PRICKLE2: variants seen among roughly 807,000 people sequenced by gnomAD.
PRICKLE2 encodes prickle-like protein 2.
A neutral mutation model predicts 81.4 loss-of-function variants in PRICKLE2; 21 were observed. The ratio of observed to expected loss-of-function variants is 0.26; its 90% CI spans 0.18 to 0.37. PRICKLE2 has a LOEUF of 0.37. Ranked by LOEUF, PRICKLE2 falls within the 10% of genes least tolerant of loss-of-function variation. PRICKLE2 has a pLI of 1.00. For missense variants in PRICKLE2, 940 were observed against 1,109.0 expected, an observed-to-expected ratio of 0.85 and a Z score of 2.16; for synonymous variants, 456 against 421.5, an observed-to-expected ratio of 1.08 and a Z score of -1.00.
chr3:64,254,398 G>A lies in PRICKLE2; in HGVS notation c.129-55431C>T, dbSNP rs763806486. Among the ~76,000 whole-genome samples the A allele has an allele frequency of 3.9e-5, 6 of 152,192 alleles. No homozygotes were observed. In the South Asian group the frequency reaches 8.3e-4, roughly 21 times the overall value. On this transcript the variant is annotated intron_variant, in intron 2 of 8. Coordinates refer to the PRICKLE2 transcript ENST00000295902. Reference sequence around the variant, plus strand: ...AGGTATTGTTCCTGTCTCCCAAGGCGACAGACAAGACTGAAACAGAGCTAG... The same window carrying A: ...AGGTATTGTTCCTGTCTCCCAAGGCAACAGACAAGACTGAAACAGAGCTAG...
chr3:64,234,011 T>C (rs1384665408), intron 2 of PRICKLE2, among the ~76,000 whole-genome samples: 5 of 152,232 alleles, frequency 3.3e-5, no homozygotes, highest in Non-Finnish European at 1.5e-5. Context: ...TTCATTCTTT[T>C]TATGACAGAG....
At chr3:64,208,703 TTA>T (rs1484103651) in intron 1 of PRICKLE2, among the ~76,000 whole-genome samples, 1 of 152,216 alleles carries the variant, frequency 6.6e-6, no homozygotes, top group African/African-American at 2.4e-5. Context: ...TTCACTTAAT[TTA>T]TCTCATTTCT....
Position 64,157,291 on chromosome 3 carries a change from C to T in PRICKLE2, c.471G>A (p.Pro157=), listed in dbSNP as rs777067889. ...TGCAGACAGTGCATACGAAGCACGG[C>T]GGGTGCCAGCAAACGCCGTGGCCAG... The part of the protein sequence containing the change: ...SRAGHGVCWH[P]PCFVCTVCNE... The change falls in exon 5 of 8, where the codon CCG becomes CCA. Residue 157 remains proline, a synonymous_variant. Transcript: ENST00000638394. The T allele has an allele frequency of 3.2e-5, 52 of 1,614,042 alleles. 1 individual carries two copies. Among genetic ancestry groups the T allele is most frequent in the African/African-American group, 5.3e-5 (4 of 74,940 alleles).
intron 2 of PRICKLE2, among the ~76,000 whole-genome samples, chr3:64,170,575 A>C (rs2077911543): frequency 6.6e-6 from 1 of 152,084 alleles, no homozygotes; most frequent in Admixed American, 6.5e-5. Flanking sequence ...AAAACCCTGG[A>C]TGGTCTGGGT....
At chr3:64,207,434 T>C (rs2078706346) in intron 1 of PRICKLE2, among the ~76,000 whole-genome samples, 1 of 152,166 alleles carries the variant, frequency 6.6e-6, no homozygotes, top group South Asian at 2.1e-4. Flanking sequence ...CCCTTAGTGT[T>C]AAGAAACTGG....
At chr3:64,187,338 C>T (rs1235733042) in intron 2 of PRICKLE2, among the ~76,000 whole-genome samples, 4 of 152,250 alleles carry the variant, frequency 2.6e-5, no homozygotes, top group Non-Finnish European at 5.9e-5. Flanking sequence ...GTTCATGTGA[C>T]TAGCTTCCCA....
chr3:64,261,672 A>C (rs2079616544), intron 2 of PRICKLE2, among the ~76,000 whole-genome samples: 2 of 152,056 alleles, frequency 1.3e-5, no homozygotes, highest in South Asian at 4.1e-4. Flanking sequence ...TTCCAAGCAG[A>C]AAGAACAGCA....
intron 2 of PRICKLE2, among the ~76,000 whole-genome samples, chr3:64,197,585 T>C (rs1477373994): frequency 1.3e-5 from 2 of 152,162 alleles, no homozygotes; most frequent in East Asian, 1.9e-4. Flanking sequence ...CCATTACCCT[T>C]AGCAAACTAA....
chr3:64,238,324 C>A (rs1320826890), intron 2 of PRICKLE2, among the ~76,000 whole-genome samples: 1 of 151,666 alleles, frequency 6.6e-6, no homozygotes, highest in Admixed American at 6.6e-5. Flanking sequence ...CTCGTCTCTA[C>A]TAAAAGTACA....
chr3:64,111,710 C>T (rs1330158403), intron 7 of PRICKLE2, among the ~76,000 whole-genome samples: 1 of 151,900 alleles, frequency 6.6e-6, no homozygotes, highest in Non-Finnish European at 1.5e-5. Context: ...TAAAATCCAC[C>T]CCAAATCATC....
chr3:64,183,982 G>A (rs1426770015), intron 2 of PRICKLE2, among the ~76,000 whole-genome samples: 1 of 152,146 alleles, frequency 6.6e-6, no homozygotes, highest in Non-Finnish European at 1.5e-5. Context: ...AGTCATGTAC[G>A]TTCTCTGAGA....
At chr3:64,166,169 T>C (rs1159674972) in intron 2 of PRICKLE2, among the ~76,000 whole-genome samples, 3 of 152,186 alleles carry the variant, frequency 2.0e-5, no homozygotes, top group Non-Finnish European at 4.4e-5. Context: ...CCTGCAGATC[T>C]GCTTCTCACC....
At chr3:64,162,519 A>G (rs2077751617) in intron 3 of PRICKLE2, among the ~76,000 whole-genome samples, 1 of 152,200 alleles carries the variant, frequency 6.6e-6, no homozygotes, top group East Asian at 1.9e-4. Context: ...ACCATGACAA[A>G]AACACAGACG....
chr3:64,163,104 G>A lies in PRICKLE2; in HGVS notation c.170C>T (p.Pro57Leu). The change falls in exon 3 of 8, where the codon CCA becomes CTA. Residue 57 changes from proline to leucine, a missense_variant. Around this residue, in one of 2 missense-constraint regions of PRICKLE2, gnomAD observed 270 missense variants for 391.8 expected, o/e 0.69. Transcript: ENST00000638394. ...GTTGACATAAGGGACTTTCTCTTCTGGGAGACAGCTATAGTACTGGTGTAC... is the reference window on the plus strand; with the variant it reads ...GTTGACATAAGGGACTTTCTCTTCTAGGAGACAGCTATAGTACTGGTGTAC... ...EQVHQYYSCL[P>L]EEKVPYVNSP... 1 of 1,612,278 alleles carries A rather than the reference G, an allele frequency of 6.2e-7. No homozygotes were observed. The highest frequency in any genetic ancestry group is 8.5e-7 in the Non-Finnish European group (1 of 1,178,366).
chr3:64,136,495 A>C (rs1017024910), intron 7 of PRICKLE2, among the ~76,000 whole-genome samples: 3 of 150,464 alleles, frequency 2.0e-5, no homozygotes, highest in African/African-American at 7.4e-5. Flanking sequence ...TCCCTGGAAT[A>C]CTCAAATTGA....
Position 64,099,554 on chromosome 3 carries a change from C to T in PRICKLE2, c.2032G>A (p.Asp678Asn), listed in dbSNP as rs2076620914. ...RTRRRATSRD[D>N]NRRFRPHRSR... ...CTGTGAGGTCGGAAACGGCGGTTGT[C>T]GTCGCGTGAAGTAGCTCTTCTCCGG... The change falls in exon 8 of 8, where the codon GAC becomes AAC. Residue 678 changes from aspartate (D) to asparagine (N), a missense_variant. Physicochemically the swap from Asp to Asn is conservative, Grantham distance 23. Transcript: ENST00000638394. The surrounding 1 kb of genome is among the most constrained non-coding windows in gnomAD (Gnocchi z 4.3). 2 of 1,610,340 alleles carry T rather than the reference C, an allele frequency of 1.2e-6. No individual in the cohort carries two copies. Among genetic ancestry groups the T allele is most frequent in the Non-Finnish European group, 1.7e-6 (2 of 1,177,054 alleles).
intron 1 of PRICKLE2, 149 bp from the exon 2 acceptor site, chr3:64,199,116 G>C: frequency 1.4e-6 from 1 of 717,626 alleles, no homozygotes; most frequent in Non-Finnish European, 2.4e-6. Flanking sequence ...CAGTGTTCCA[G>C]AACATGACTG....
chr3:64,250,007 G>A (rs35631154), intron 2 of PRICKLE2, among the ~76,000 whole-genome samples: 33,527 of 152,126 alleles, frequency 0.22, 4,290 homozygotes, highest in Non-Finnish European at 0.27. Context: ...TGAAGCAGAG[G>A]TAAAACTGAA....
At chr3:64,262,409 G>A (rs2079628992) in intron 2 of PRICKLE2, among the ~76,000 whole-genome samples, 1 of 152,100 alleles carries the variant, frequency 6.6e-6, no homozygotes, top group Non-Finnish European at 1.5e-5. Context: ...TTTTGACACA[G>A]CAAGTCTGAG....
Sources: gnomAD v4.1 joint callset for allele counts (sites outside exome capture counted in the v4.1 genomes callset) on GRCh38, gnomAD v4.1.1 for gene constraint, gnomAD v4.1.1 regional missense constraint, Gnocchi (gnomAD v3.1) non-coding constraint, MANE v1.5 for transcripts, NCBI Gene and HGNC (gene_info 2026-07-23, HGNC 2026-07-21) for gene names.